CDH8: variants seen among roughly 807,000 people sequenced by gnomAD.
The protein encoded by CDH8 is cadherin-8.
CDH8 carries 17 observed loss-of-function variants against 68.1 expected under a neutral mutation model. The observed-to-expected ratio is 0.25, with a 90% CI of 0.17 to 0.37. The LOEUF (loss-of-function observed/expected upper bound fraction) is 0.37, where lower values mean the gene tolerates loss of function less well. Ranked by LOEUF, CDH8 falls within the 10% of genes least tolerant of loss-of-function variation. CDH8 has a pLI of 1.00. For missense variants in CDH8, 763 were observed against 999.3 expected, an observed-to-expected ratio of 0.76 and a Z score of 3.19; for synonymous variants, 372 against 365.1, an observed-to-expected ratio of 1.02 and a Z score of -0.21.
At chr16:61,954,327 T>C (rs1964948804) in intron 2 of CDH8, among the ~76,000 whole-genome samples, 1 of 152,162 alleles carries the variant, frequency 6.6e-6, no homozygotes, top group Admixed American at 6.5e-5. Context: ...AAAACAATTA[T>C]TCCAGTCCCA....
chr16:62,009,241 C>T (rs569816272), intron 2 of CDH8, among the ~76,000 whole-genome samples: 15 of 152,048 alleles, frequency 9.9e-5, no homozygotes, highest in Non-Finnish European at 2.1e-4. Flanking sequence ...CCAAGGTGCA[C>T]CAGTAGCAGA....
chr16:61,895,631 C>G (rs966116082), intron 3 of CDH8, among the ~76,000 whole-genome samples: 1 of 152,196 alleles, frequency 6.6e-6, no homozygotes, highest in Non-Finnish European at 1.5e-5. Context: ...TACTCTCTTT[C>G]TCATCCCTTT....
intron 8 of CDH8, among the ~76,000 whole-genome samples, chr16:61,743,963 AT>A (rs1959949734): frequency 6.6e-6 from 1 of 152,074 alleles, no homozygotes; most frequent in African/African-American, 2.4e-5. Context: ...CTTAAGAATA[AT>A]TTAAGTTTTT....
intron 2 of CDH8, among the ~76,000 whole-genome samples, chr16:61,995,586 C>G (rs1221372852): frequency 1.3e-5 from 2 of 152,242 alleles, no homozygotes; most frequent in Middle Eastern, 3.4e-3. Flanking sequence ...ACCGTGTTAG[C>G]CAGGATGGTC....
At chr16:61,741,770 T>C (rs549782836) in intron 8 of CDH8, among the ~76,000 whole-genome samples, 22 of 152,290 alleles carry the variant, frequency 1.4e-4, no homozygotes, top group African/African-American at 5.3e-4. Context: ...TAAACCTTCA[T>C]ATAATGATAT....
At chr16:61,792,531 C>A (rs904001194) in intron 7 of CDH8, among the ~76,000 whole-genome samples, 1 of 151,970 alleles carries the variant, frequency 6.6e-6, no homozygotes, top group African/African-American at 2.4e-5. Context: ...TTGTACCAAG[C>A]ACAGTGCTAG....
intron 2 of CDH8, among the ~76,000 whole-genome samples, chr16:61,933,813 G>A (rs1356564905): frequency 6.6e-6 from 1 of 152,062 alleles, no homozygotes; most frequent in Non-Finnish European, 1.5e-5. Flanking sequence ...ATATGGTCTA[G>A]TACATTTTAC....
chr16:61,922,833 C>A (rs1964392746), intron 2 of CDH8, among the ~76,000 whole-genome samples: 1 of 152,118 alleles, frequency 6.6e-6, no homozygotes, highest in Non-Finnish European at 1.5e-5. Context: ...AAATCACATA[C>A]AAATTTATGC....
intron 4 of CDH8, among the ~76,000 whole-genome samples, chr16:61,856,372 T>C (rs1481465998): frequency 6.6e-6 from 1 of 152,162 alleles, no homozygotes; most frequent in Admixed American, 6.6e-5. Flanking sequence ...AGACAAAATA[T>C]GTTTGATCTC....
chr16:61,790,684 TA>T (rs1294739675), intron 7 of CDH8, among the ~76,000 whole-genome samples: 1 of 151,984 alleles, frequency 6.6e-6, no homozygotes, highest in African/African-American at 2.4e-5. Context: ...TATGCCATTA[TA>T]AAAAAATAAA....
intron 10 of CDH8, among the ~76,000 whole-genome samples, chr16:61,685,940 G>A (rs1964097580): frequency 6.6e-6 from 1 of 151,950 alleles, no homozygotes; most frequent in African/African-American, 2.4e-5. Flanking sequence ...ATTTATTTAT[G>A]GGCGGGAGTC....
chr16:62,020,453 C>T (rs951012252), intron 2 of CDH8, among the ~76,000 whole-genome samples: 8 of 151,718 alleles, frequency 5.3e-5, no homozygotes, highest in Non-Finnish European at 1.0e-4. Context: ...CTGCCAACAA[C>T]AGCAAAACAA....
chr16:62,007,378 AT>A (rs1319243881), intron 2 of CDH8, among the ~76,000 whole-genome samples: 1 of 152,208 alleles, frequency 6.6e-6, no homozygotes, highest in Non-Finnish European at 1.5e-5. Context: ...TTCACATCTG[AT>A]TTGAGGTAAA....
At chr16:61,953,749 G>A (rs1964932208) in intron 2 of CDH8, among the ~76,000 whole-genome samples, 2 of 151,234 alleles carry the variant, frequency 1.3e-5, no homozygotes, top group South Asian at 2.1e-4. Flanking sequence ...CATATCTGTA[G>A]TTGCAGCTAC....
At chr16:61,964,574 C>T (rs1051001460) in intron 2 of CDH8, among the ~76,000 whole-genome samples, 4 of 151,506 alleles carry the variant, frequency 2.6e-5, no homozygotes, top group Non-Finnish European at 5.9e-5. Flanking sequence ...TTGAATGAAA[C>T]CAGGTTATTC....
chr16:61,912,434 C>A (rs535027841), intron 2 of CDH8, among the ~76,000 whole-genome samples: 1 of 152,162 alleles, frequency 6.6e-6, no homozygotes, highest in South Asian at 2.1e-4. Flanking sequence ...TCAAAGAAAT[C>A]ATCACATTTT....
chr16:61,853,601 C>A lies in CDH8; in HGVS notation c.667+3518G>T, dbSNP rs555082275. Among the ~76,000 whole-genome samples the A allele has an allele frequency of 7.4e-4, 113 of 151,952 alleles. 2 individuals are homozygous for A. Among genetic ancestry groups the A allele is most frequent in the Non-Finnish European group, 9.9e-4 (67 of 67,984 alleles). ...GTGGTGATGTGTAATGGTATTCAGC[C>A]AACATTTTCGAACCCATCTATGCTG... On this transcript the variant is annotated intron_variant, in intron 4 of 11. Coordinates refer to ENST00000577390, the MANE Select transcript of CDH8 (RefSeq NM_001796.5).
chr16:61,838,331 A>G (rs899798117), intron 4 of CDH8, among the ~76,000 whole-genome samples: 4 of 152,044 alleles, frequency 2.6e-5, no homozygotes, highest in African/African-American at 9.7e-5. Context: ...AGGAAAACAT[A>G]TTTGGCATGT....
chr16:61,892,381 A>G (rs1963793811), intron 3 of CDH8, among the ~76,000 whole-genome samples: 1 of 152,182 alleles, frequency 6.6e-6, no homozygotes, highest in Non-Finnish European at 1.5e-5. Flanking sequence ...GAATTTCCAA[A>G]AGAGCATACA....
Sources: allele counts gnomAD v4.1 joint callset (sites outside exome capture counted in the v4.1 genomes callset), GRCh38; gene constraint gnomAD v4.1.1; transcripts MANE v1.5; gene names NCBI Gene and HGNC (gene_info 2026-07-23, HGNC 2026-07-21).